The following AP2A1 variants were observed in gnomAD, a reference collection of about 807,000 sequenced individuals.
AP2A1 encodes the protein AP-2 complex subunit alpha-1.
Under a neutral mutation model 107.3 loss-of-function variants are expected in AP2A1, and 21 were observed. The observed-to-expected ratio is 0.20, with a 90% CI of 0.14 to 0.28. The LOEUF is 0.28. AP2A1 is among the 10% of genes least tolerant of loss of function. The pLI, the probability that AP2A1 is intolerant of heterozygous loss-of-function variation, is 1.00. For missense variants in AP2A1, 873 were observed against 1,307.7 expected (o/e 0.67, Z 5.13); for synonymous variants, 602 against 564.8 (o/e 1.07, Z -0.93).
intron 5 of AP2A1, 148 bp from the exon 6 acceptor site, chr19:49,792,843 C>T: frequency 1.4e-6 from 1 of 717,298 alleles, no homozygotes. Context: ...CACCCCACCC[C>T]TAAAGCACGC....
Position 49,803,364 on chromosome 19 carries a change from G to T in AP2A1, c.2332G>T (p.Asp778Tyr). The T allele has an allele frequency of 6.2e-7, 1 of 1,613,806 alleles. No homozygotes were observed. The highest frequency in any genetic ancestry group is 1.1e-5 in the South Asian group (1 of 91,072). ...NFSPTVVHPG[D>Y]LQTQLAVQTK... is the part of the protein sequence containing the mutation. ...CTCACCCACTGTGGTTCACCCGGGA[G>T]ACCTCCAGACTCATATCCTCTCAGG... The change falls in exon 18 of 23, where the codon GAC (aspartate) becomes TAC (tyrosine). Residue 778 changes from aspartate (D) to tyrosine (Y), a missense_variant. By Grantham distance (160) the Asp-to-Tyr change is radical. This residue lies in a region of AP2A1 where 416 missense variants were observed against 473.4 expected (regional missense o/e 0.88). Coordinates refer to ENST00000354293, the MANE Select transcript of AP2A1 (RefSeq NM_130787.3).
intron 7 of AP2A1, among the ~76,000 whole-genome samples, chr19:49,798,216 C>T (rs2073234497): frequency 6.6e-6 from 1 of 152,248 alleles, no homozygotes; most frequent in Non-Finnish European, 1.5e-5. Context: ...CTGTGAGCTG[C>T]TGGCTGGCAT....
chr19:49,775,914 C>G (rs550005037), intron 1 of AP2A1, among the ~76,000 whole-genome samples: 1 of 152,292 alleles, frequency 6.6e-6, no homozygotes, highest in Non-Finnish European at 1.5e-5. Context: ...CTGGTAGTAA[C>G]AGACCCACCC....
chr19:49,798,792 G>C lies in AP2A1; in HGVS notation c.815-10G>C. Reference sequence around the variant, plus strand: ...ACACTCAGCCGGGGGCGTCCCCTTCGTTTCCCCAGAGGATGCGGCTGTGAA... The same window carrying C: ...ACACTCAGCCGGGGGCGTCCCCTTCCTTTCCCCAGAGGATGCGGCTGTGAA... On this transcript the variant is annotated splice_polypyrimidine_tract_variant and intron_variant, in intron 7 of 22. Transcript: ENST00000354293. 1 of 1,602,054 alleles carries C rather than the reference G, an allele frequency of 6.2e-7. No individual in the cohort carries two copies. Among genetic ancestry groups the C allele is most frequent in the Non-Finnish European group, 8.5e-7 (1 of 1,174,520 alleles).
chr19:49,791,824 C>G (rs1430066472), intron 4 of AP2A1, 111 bp from the exon 5 acceptor site: 3 of 1,398,698 alleles, frequency 2.1e-6, no homozygotes, highest in East Asian at 2.5e-5. Context: ...GGCTGTCTGT[C>G]CCTCTCGCTG....
At chr19:49,773,878 A>T (rs542949454) in intron 1 of AP2A1, among the ~76,000 whole-genome samples, 34 of 152,314 alleles carry the variant, frequency 2.2e-4, no homozygotes, top group Middle Eastern at 6.8e-3. Context: ...GTAGTGGAGC[A>T]GGGACTTAGG....
At position 49,801,372 on chromosome 19, in the gene AP2A1, A is replaced by G. The variant is rs759096512; in HGVS notation, c.1554-18A>G. 6.2e-7 allele frequency: 1 copy of G among 1,606,548 alleles called. No individual in the cohort carries two copies. The highest frequency in any genetic ancestry group is 1.1e-5 in the South Asian group (1 of 90,966). On this transcript the variant is annotated intron_variant, in intron 12 of 22. Coordinates refer to ENST00000354293, the MANE Select transcript of AP2A1 (RefSeq NM_130787.3). Reference sequence around the variant, plus strand: ...GGCAGTGGAACCTGGCCCCGCTGACACCCACTCCTGCACACAGCCCCCCAG... The same window carrying G: ...GGCAGTGGAACCTGGCCCCGCTGACGCCCACTCCTGCACACAGCCCCCCAG...
At chr19:49,795,802 C>T (rs1213899135) in intron 7 of AP2A1, 64 bp downstream of exon 7, 1 of 1,215,332 alleles carries the variant, frequency 8.2e-7, no homozygotes, top group Non-Finnish European at 1.2e-6. Context: ...GGGCCTCCTG[C>T]TCCACGGCGC....
At chr19:49,783,902 T>G (rs2084707098) in intron 4 of AP2A1, among the ~76,000 whole-genome samples, 1 of 152,224 alleles carries the variant, frequency 6.6e-6, no homozygotes, top group South Asian at 2.1e-4. Context: ...CAGCCTGACT[T>G]TACCCTATCT....
intron 7 of AP2A1, chr19:49,797,701 G>A (rs1418471712): frequency 6.6e-6 from 1 of 152,078 alleles, no homozygotes; most frequent in Non-Finnish European, 1.5e-5. Context: ...ACTCCAGCTT[G>A]GGTGACAGAG....
At chr19:49,776,222 A>C in intron 1 of AP2A1, among the ~76,000 whole-genome samples, 1 of 149,008 alleles carries the variant, frequency 6.7e-6, no homozygotes, top group African/African-American at 2.5e-5. Context: ...GCATCCTCAG[A>C]CTCTGTGCCT....
chr19:49,791,998 G>A lies in AP2A1; in HGVS notation c.537G>A (p.Ser179=), dbSNP rs1331620158. ...GCCTCCTTCGACTGTACAAGGCCTCGCCTGACCTGGTGCCCATGGGCGAGT... is the reference window on the plus strand; with the variant it reads ...GCCTCCTTCGACTGTACAAGGCCTCACCTGACCTGGTGCCCATGGGCGAGT... ...ALCLLRLYKA[S]PDLVPMGEWT... The change falls in exon 5 of 23, where the codon TCG becomes TCA. Residue 179 remains serine (S), a synonymous_variant. Transcript: ENST00000354293. The A allele has an allele frequency of 5.0e-6, 8 of 1,612,622 alleles. No individual in the cohort carries two copies. The highest frequency in any genetic ancestry group is 1.3e-5 in the African/African-American group (1 of 74,786).
At position 49,777,787 on chromosome 19, in the gene AP2A1, A is replaced by G. The variant is rs372834195; in HGVS notation, c.68-3970A>G. Among the ~76,000 whole-genome samples, 16 of 151,694 alleles carry G rather than the reference A, an allele frequency of 1.1e-4. 2 individuals are homozygous for G. Among genetic ancestry groups the G allele is most frequent in the Admixed American group, 9.9e-4 (15 of 15,216 alleles). On this transcript the variant is annotated intron_variant, in intron 1 of 22. Coordinates refer to ENST00000354293, the MANE Select transcript of AP2A1 (RefSeq NM_130787.3). ...CAAAAAATAGAAAAAAAATTAGCTG[A>G]GTGTGGTGGCGCACCTCACAGTCCC...
chr19:49,781,659 T>C, intron 1 of AP2A1, 98 bp from the exon 2 acceptor site: 1 of 1,251,192 alleles, frequency 8.0e-7, no homozygotes, highest in East Asian at 2.5e-5. Flanking sequence ...GCGGAGAAGA[T>C]CTGCCCTTCC....
chr19:49,787,334 G>GT (rs1298524155), intron 4 of AP2A1, among the ~76,000 whole-genome samples: 17 of 108,498 alleles, frequency 1.6e-4, no homozygotes, highest in African/African-American at 6.5e-4. Context: ...GGCTTTTTTT[G>GT]TTTGTTTTTT....
intron 4 of AP2A1, among the ~76,000 whole-genome samples, chr19:49,787,187 T>TC (rs953025372): frequency 6.8e-6 from 1 of 148,060 alleles, no homozygotes; most frequent in African/African-American, 2.5e-5. Flanking sequence ...TTGTATTTCT[T>TC]TTTTTTTTTG....
intron 1 of AP2A1, among the ~76,000 whole-genome samples, chr19:49,772,252 T>TTTTG (rs2084568058): frequency 8.9e-6 from 1 of 112,972 alleles, no homozygotes. Context: ...TAGAGTTTTT[T>TTTTG]TTTTTTTTTT....
rs961724333 is a variant in AP2A1, at chr19:49,799,670, C to T, written c.1176C>T (p.Leu392=). 1.2e-6 allele frequency: 2 copies of T among 1,612,614 alleles called. No individual in the cohort carries two copies. The highest frequency in any genetic ancestry group is 1.1e-5 in the South Asian group (1 of 91,082). Residue 392 remains leucine, a synonymous_variant, in exon 10 of 23, where the codon CTC becomes CTT. Transcript: ENST00000354293. ...GCGTGCGGCAGCGGGCGGCTGACCT[C>T]CTCTACGCCATGTGTGACCGGAGCA... ...DVSVRQRAAD[L]LYAMCDRSNA...
At chr19:49,786,579 C>G (rs556805193) in intron 4 of AP2A1, among the ~76,000 whole-genome samples, 4 of 152,016 alleles carry the variant, frequency 2.6e-5, no homozygotes, top group African/African-American at 9.6e-5. Flanking sequence ...TGCAGCCCAG[C>G]GTGTTACGCT....
Sources: gnomAD v4.1 joint callset for allele counts (sites outside exome capture counted in the v4.1 genomes callset) on GRCh38, gnomAD v4.1.1 for gene constraint, gnomAD v4.1.1 regional missense constraint, MANE v1.5 for transcripts, NCBI Gene and HGNC (gene_info 2026-07-23, HGNC 2026-07-21) for gene names.